The following FGR variants were observed in gnomAD, a reference collection of about 807,000 sequenced individuals.
FGR encodes tyrosine-protein kinase Fgr.
A neutral mutation model predicts 63.2 loss-of-function variants in FGR; 26 were observed. The ratio of observed to expected loss-of-function variants is 0.41; its 90% CI spans 0.30 to 0.57. The LOEUF (loss-of-function observed/expected upper bound fraction) is 0.57. FGR is among the 20% of genes least tolerant of loss of function. The pLI is 0.27. For synonymous variants in FGR, 286 were observed against 277.7 expected (o/e 1.03, Z -0.30); for missense variants, 511 against 690.8 (o/e 0.74, Z 2.92).
Position 27,612,906 on chromosome 1 carries a change from C to A in FGR, c.*8G>T. 1 of 1,610,438 alleles carries A rather than the reference C, an allele frequency of 6.2e-7. No individual in the cohort carries two copies. The highest frequency in any genetic ancestry group is 1.1e-5 in the South Asian group (1 of 90,828). ...GCCACCGCCAGAGAGGGTTGATGCC[C>A]GGACAGGCTATGTCTGATCCCCGGG... On this transcript the variant is annotated 3_prime_UTR_variant, in exon 13 of 13. Coordinates refer to ENST00000374005, the MANE Select transcript of FGR (RefSeq NM_005248.3).
chr1:27,626,452 C>T, intron 1 of FGR: 1 of 351,410 alleles, frequency 2.8e-6, no homozygotes, highest in Non-Finnish European at 5.1e-6. Flanking sequence ...CTACCTAGCA[C>T]CACTCACCTC....
At position 27,615,944 on chromosome 1, in the gene FGR, T is replaced by A; in HGVS notation, c.683-100A>T. 1 of 1,330,330 alleles carries A rather than the reference T, an allele frequency of 7.5e-7. No homozygotes were observed. The allele number at this position is 1,330,330 out of a possible 1,614,324, so 82.4% of individuals were successfully genotyped here. A position where few individuals can be genotyped will look rare whatever the true frequency, so the allele number is the denominator to read the frequency against. ...TGGTGCCAGACCCTAAGATCAGTTA[T>A]AAGGAACTAGGCCCCAAGTGAGGTC... On this transcript the variant is annotated intron_variant, in intron 7 of 12. Transcript: ENST00000374005. The surrounding 1 kb of genome is among the most constrained non-coding windows in gnomAD (Gnocchi z 7.6).
At position 27,616,075 on chromosome 1, in the gene FGR, G is replaced by A. The variant is rs1166937748; in HGVS notation, c.683-231C>T. 6.6e-6 allele frequency among the ~76,000 whole-genome samples: 1 copy of A among 152,212 alleles called. No homozygotes were observed. The highest frequency in any genetic ancestry group is 2.4e-5 in the African/African-American group (1 of 41,458). ...GAGAGATGATCCCTGTAAGCCTTCT[G>A]TAAGGACTGGGGGCCTCCCATAGGA... is the stretch of plus-strand genomic sequence containing the variant. On this transcript the variant is annotated intron_variant, in intron 7 of 12. Coordinates refer to ENST00000374005, the MANE Select transcript of FGR (RefSeq NM_005248.3). The surrounding 1 kb of genome is among the most constrained non-coding windows in gnomAD (Gnocchi z 4.3).
At chr1:27,626,371 C>T (rs1050912360) in intron 1 of FGR, 7 of 394,596 alleles carry the variant, frequency 1.8e-5, no homozygotes, top group Non-Finnish European at 2.7e-5. Flanking sequence ...CCCCCAGCTT[C>T]TCTCTCTCGA....
rs2089816187 is a variant in FGR, at chr1:27,616,553, C to T, written c.682+304G>A. On this transcript the variant is annotated intron_variant, in intron 7 of 12. Transcript: ENST00000374005. The surrounding 1 kb of genome is among the most constrained non-coding windows in gnomAD (Gnocchi z 4.3). ...GCTCCCTGTCTGCCCACAGGGCAGT[C>T]CTGGTGCCTTGGTGGGGCATTCAGG... Among the ~76,000 whole-genome samples the T allele has an allele frequency of 6.6e-6, 1 of 152,248 alleles. No homozygotes were observed. Among genetic ancestry groups the T allele is most frequent in the South Asian group, 2.1e-4 (1 of 4,838 alleles).
At chr1:27,626,337 G>A in intron 1 of FGR, 2 of 397,452 alleles carry the variant, frequency 5.0e-6, no homozygotes, top group Non-Finnish European at 8.9e-6. Context: ...CCCCAGAGGG[G>A]CCCCAAGGTC....
Position 27,617,017 on chromosome 1 carries a change from G to T in FGR, c.533-11C>A, listed in dbSNP as rs770223047. Reference sequence around the variant, plus strand: ...ACAGGGAGTAGGCACCTGTGGAGAGGATCACTTTTGATCTGCTGTTCTCCT... The same window carrying T: ...ACAGGGAGTAGGCACCTGTGGAGAGTATCACTTTTGATCTGCTGTTCTCCT... On this transcript the variant is annotated splice_polypyrimidine_tract_variant and intron_variant, in intron 6 of 12. Coordinates refer to ENST00000374005, the MANE Select transcript of FGR (RefSeq NM_005248.3). This position sits in a 1 kb window ranked among gnomAD's most constrained non-coding sequence, Gnocchi z 4.5. The T allele has an allele frequency of 6.2e-7, 1 of 1,613,966 alleles. No homozygotes were observed.
At position 27,613,361 on chromosome 1, in the gene FGR, T is replaced by C. The variant is rs760669732; in HGVS notation, c.1250-11A>G. On this transcript the variant is annotated splice_polypyrimidine_tract_variant and intron_variant, in intron 11 of 12. Coordinates refer to ENST00000374005, the MANE Select transcript of FGR (RefSeq NM_005248.3). ...TGGGGAACTTGGAACCTGGAGAAGA[T>C]GGGGGAGCAGGGAAAGTTAGTGAGG... 31 of 1,612,942 alleles carry C rather than the reference T, an allele frequency of 1.9e-5. 1 individual carries two copies. The South Asian group carries it at 3.0e-4, about 15-fold the overall frequency.
chr1:27,617,976 G>T lies in FGR; in HGVS notation c.429-680C>A, dbSNP rs888231941. Among the ~76,000 whole-genome samples, 1 of 152,178 alleles carries T rather than the reference G, an allele frequency of 6.6e-6. No homozygotes were observed. Among genetic ancestry groups the T allele is most frequent in the African/African-American group, 2.4e-5 (1 of 41,428 alleles). ...CTAAACCAACTGTGCAGGTACAATGGGGGAGCTGAAGTGACCACAGGTGCC... is the reference window on the plus strand; with the variant it reads ...CTAAACCAACTGTGCAGGTACAATGTGGGAGCTGAAGTGACCACAGGTGCC... On this transcript the variant is annotated intron_variant, in intron 5 of 12. Transcript: ENST00000374005. This position sits in a 1 kb window ranked among gnomAD's most constrained non-coding sequence, Gnocchi z 4.5.
intron 1 of FGR, among the ~76,000 whole-genome samples, chr1:27,633,446 CT>C (rs780135824): frequency 5.7e-4 from 87 of 152,346 alleles, no homozygotes; most frequent in Non-Finnish European, 9.6e-4. Context: ...CAGATTTTAA[CT>C]CTGCTGACCT....
Position 27,617,719 on chromosome 1 carries a change from C to G in FGR, c.429-423G>C, listed in dbSNP as rs976290830. ...TCTCCCTAGTTCTTTTTTCACCACT[C>G]CAGTAATCAGATCACTCAGATCCTT... On this transcript the variant is annotated intron_variant, in intron 5 of 12. Coordinates refer to ENST00000374005, the MANE Select transcript of FGR (RefSeq NM_005248.3). This position sits in a 1 kb window ranked among gnomAD's most constrained non-coding sequence, Gnocchi z 4.5. 6.6e-6 allele frequency among the ~76,000 whole-genome samples: 1 copy of G among 152,156 alleles called. No individual in the cohort carries two copies. Among genetic ancestry groups the G allele is most frequent in the African/African-American group, 2.4e-5 (1 of 41,414 alleles).
chr1:27,616,772 T>A lies in FGR; in HGVS notation c.682+85A>T. The A allele has an allele frequency of 6.8e-7, 1 of 1,459,974 alleles. No homozygotes were observed. The highest frequency in any genetic ancestry group is 9.6e-7 in the Non-Finnish European group (1 of 1,046,692). 90.4% of individuals were successfully genotyped at this position (1,459,974 alleles called of 1,614,324 possible). A position where few individuals can be genotyped will look rare whatever the true frequency, so the allele number is the denominator to read the frequency against. On this transcript the variant is annotated intron_variant, in intron 7 of 12. Coordinates refer to ENST00000374005, the MANE Select transcript of FGR (RefSeq NM_005248.3). The surrounding 1 kb of genome is among the most constrained non-coding windows in gnomAD (Gnocchi z 4.3). ...CCGTCTGGCCAATACTGCTTGGTAG[T>A]CCCTTCCCTTCTCTGGGCCTCAGTT...
chr1:27,614,362 T>G lies in FGR; in HGVS notation c.1249+68A>C, dbSNP rs2089757047. Reference sequence around the variant, plus strand: ...CCTGGAGTGAGGAAGGGTTCCTGAGTGCGTGGGGCCCCATGGAAGTCCCTT... The same window carrying G: ...CCTGGAGTGAGGAAGGGTTCCTGAGGGCGTGGGGCCCCATGGAAGTCCCTT... On this transcript the variant is annotated intron_variant, in intron 11 of 12. Coordinates refer to ENST00000374005, the MANE Select transcript of FGR (RefSeq NM_005248.3). The G allele has an allele frequency of 1.3e-5, 20 of 1,535,890 alleles. 1 individual carries two copies. The South Asian group carries it at 2.4e-4, about 19-fold the overall frequency.
At position 27,615,358 on chromosome 1, in the gene FGR, G is replaced by C; in HGVS notation, c.1018+76C>G. ...TTGTCCCTTGTCCCTCACAGATCGCGTCCCAGGTCCCACGCCTGAAAACTC... is the reference window on the plus strand; with the variant it reads ...TTGTCCCTTGTCCCTCACAGATCGCCTCCCAGGTCCCACGCCTGAAAACTC... On this transcript the variant is annotated intron_variant, in intron 9 of 12. Coordinates refer to ENST00000374005, the MANE Select transcript of FGR (RefSeq NM_005248.3). This position sits in a 1 kb window ranked among gnomAD's most constrained non-coding sequence, Gnocchi z 7.6. 3 of 1,485,714 alleles carry C rather than the reference G, an allele frequency of 2.0e-6. No homozygotes were observed. The highest frequency in any genetic ancestry group is 2.8e-6 in the Non-Finnish European group (3 of 1,088,914). 92.0% of individuals were successfully genotyped at this position (1,485,714 alleles called of 1,614,324 possible).
rs1433562141 is a variant in FGR, at chr1:27,617,625, G to A, written c.429-329C>T. 1.3e-5 allele frequency among the ~76,000 whole-genome samples: 2 copies of A among 152,164 alleles called. No individual in the cohort carries two copies. Among genetic ancestry groups the A allele is most frequent in the African/African-American group, 2.4e-5 (1 of 41,422 alleles). On this transcript the variant is annotated intron_variant, in intron 5 of 12. Transcript: ENST00000374005. This position sits in a 1 kb window ranked among gnomAD's most constrained non-coding sequence, Gnocchi z 4.5. ...CACTCATTTTACAGATGAGGAAGTTGAGGCTCAGAGAGGGAAAGTGACCTG... is the reference window on the plus strand; with the variant it reads ...CACTCATTTTACAGATGAGGAAGTTAAGGCTCAGAGAGGGAAAGTGACCTG...
At chr1:27,614,334 C>A in intron 11 of FGR, 96 bp downstream of exon 11, 4 of 1,382,678 alleles carry the variant, frequency 2.9e-6, no homozygotes, top group Non-Finnish European at 3.9e-6. Flanking sequence ...GCGACTCGGG[C>A]GACCTGGAGT....
At position 27,614,838 on chromosome 1, in the gene FGR, T is replaced by A. The variant is rs1172125963; in HGVS notation, c.1095+12A>T. The stretch of plus-strand genomic sequence containing the variant: ...GGGAGGTCCGGGAGGTAAAGGCTGC[T>A]GGCCCAGTTACCTGGGCTGCCATGT... On this transcript the variant is annotated intron_variant, in intron 10 of 12. Coordinates refer to ENST00000374005, the MANE Select transcript of FGR (RefSeq NM_005248.3). 1 of 1,578,804 alleles carries A rather than the reference T, an allele frequency of 6.3e-7. No individual in the cohort carries two copies. The highest frequency in any genetic ancestry group is 8.6e-7 in the Non-Finnish European group (1 of 1,159,390).
chr1:27,613,249 G>A lies in FGR; in HGVS notation c.1351C>T (p.Leu451Phe), dbSNP rs746822700. The change falls in exon 12 of 13, where the codon CTC (leucine) becomes TTC (phenylalanine). Residue 451 changes from leucine (L) to phenylalanine (F), a missense_variant. Leu to Phe is a conservative substitution (Grantham distance 22). Coordinates refer to ENST00000374005, the MANE Select transcript of FGR (RefSeq NM_005248.3). ...VWSFGILLTE[L>F]ITKGRIPYPG... The stretch of plus-strand genomic sequence containing the variant: ...TAGGGGATTCGGCCCTTGGTGATGA[G>A]CTCAGTGAGCAGGATCCCAAAGGAC... 1.9e-6 allele frequency: 3 copies of A among 1,614,192 alleles called. No homozygotes were observed. Among genetic ancestry groups the A allele is most frequent in the Non-Finnish European group, 2.5e-6 (3 of 1,180,004 alleles).
intron 1 of FGR, among the ~76,000 whole-genome samples, chr1:27,634,278 G>A (rs1394965558): frequency 6.6e-6 from 1 of 152,184 alleles, no homozygotes; most frequent in Non-Finnish European, 1.5e-5. Flanking sequence ...CGGATCCAGC[G>A]GGGAGCGCGG....
Sources: gnomAD v4.1 joint callset for allele counts (sites outside exome capture counted in the v4.1 genomes callset) on GRCh38, gnomAD v4.1.1 for gene constraint, Gnocchi (gnomAD v3.1) non-coding constraint, MANE v1.5 for transcripts, NCBI Gene and HGNC (gene_info 2026-07-23, HGNC 2026-07-21) for gene names.